Variants in PCDHGA3 observed in about 807,000 individuals in gnomAD.
The protein encoded by PCDHGA3 is protocadherin gamma subfamily A, 3, also known as protocadherin gamma-A3.
PCDHGA3 carries 40 observed loss-of-function variants against 58.5 expected under a neutral mutation model. The observed-to-expected ratio is 0.68, with a 90% confidence interval of 0.53 to 0.89. The LOEUF (loss-of-function observed/expected upper bound fraction) is 0.89, where lower values mean the gene tolerates loss of function less well. PCDHGA3 is among the 40% of genes least tolerant of loss of function. The probability of loss-of-function intolerance (pLI) is 0.00; values close to 1 mark genes in which losing one functional copy is unlikely to be tolerated. For synonymous variants in PCDHGA3, 530 were observed against 525.7 expected (o/e 1.01, Z -0.11); for missense variants, 1,223 against 1,195.9 (o/e 1.02, Z -0.33).
intron 1 of PCDHGA3, chr5:141,413,440 A>G (rs4912751): frequency 0.46 from 738,760 of 1,613,878 alleles, 177,316 homozygotes; most frequent in African/African-American, 0.83. Flanking sequence ...CGGCAGCTTG[A>G]TCACCGCGGG....
intron 1 of PCDHGA3, chr5:141,383,004 G>C: frequency 6.2e-7 from 1 of 1,613,698 alleles, no homozygotes; most frequent in Non-Finnish European, 8.5e-7. Flanking sequence ...TCTACTCCGT[G>C]TCGGAGGAGA....
Position 141,431,046 on chromosome 5 carries a change from G to A in PCDHGA3, c.2425-63761G>A, listed in dbSNP as rs1324139757. 7 of 1,614,240 alleles carry A rather than the reference G, an allele frequency of 4.3e-6. 1 individual carries two copies. The Admixed American group carries it at 1.0e-4, about 23-fold the overall frequency. ...GGCAGGATAGACCGGGAGGAGCTCTGTATGGGGGCCATCAAGTGTCAATTA... is the reference window on the plus strand; with the variant it reads ...GGCAGGATAGACCGGGAGGAGCTCTATATGGGGGCCATCAAGTGTCAATTA... On this transcript the variant is annotated intron_variant, in intron 1 of 3. Transcript: ENST00000253812. The surrounding 1 kb of genome is among the most constrained non-coding windows in gnomAD (Gnocchi z 4.8).
intron 1 of PCDHGA3, among the ~76,000 whole-genome samples, chr5:141,373,240 T>C (rs1021689504): frequency 2.6e-5 from 4 of 152,230 alleles, no homozygotes; most frequent in African/African-American, 9.6e-5. Context: ...TATTTTTACT[T>C]CCCTTTGCAT....
In PCDHGA3 at chr5:141,409,582, C is replaced by A. The variant is rs2095287974; in HGVS notation, c.2424+63125C>A. On this transcript the variant is annotated intron_variant, in intron 1 of 3. Coordinates refer to ENST00000253812, the MANE Select transcript of PCDHGA3 (RefSeq NM_018916.4). ...TCGACCAGACGTCCTACGTGGTCCA[C>A]GTGGCCGAGAACAACCCGCCAGGAG... 2.5e-6 allele frequency: 4 copies of A among 1,613,914 alleles called. No homozygotes were observed. The Middle Eastern group carries it at 4.9e-4, about 200-fold the overall frequency.
intron 1 of PCDHGA3, chr5:141,441,868 C>A: frequency 3.0e-6 from 1 of 338,212 alleles, no homozygotes; most frequent in Non-Finnish European, 5.8e-6. Flanking sequence ...CGCCGCGGAG[C>A]CTGGCTACCT....
chr5:141,384,248 C>T (rs1443335110), intron 1 of PCDHGA3: 2 of 1,613,866 alleles, frequency 1.2e-6, no homozygotes, highest in South Asian at 2.2e-5. Flanking sequence ...GATAACCCAC[C>T]CACCTTCCCC....
At chr5:141,438,621 T>C (rs1164140266) in intron 1 of PCDHGA3, among the ~76,000 whole-genome samples, 4 of 41,368 alleles carry the variant, frequency 9.7e-5, no homozygotes, top group Admixed American at 3.5e-4. Flanking sequence ...TATATATATA[T>C]ATATATATAT....
rs1229102140 is a variant in PCDHGA3, at chr5:141,351,416, G to T, written c.2424+4959G>T. On this transcript the variant is annotated intron_variant, in intron 1 of 3. Coordinates refer to ENST00000253812, the MANE Select transcript of PCDHGA3 (RefSeq NM_018916.4). ...GGTGACATGCTATACTCAGGAAGAA[G>T]TTCCTTTCAAATTAGAATCCACCTC... is the stretch of plus-strand genomic sequence containing the variant. The T allele has an allele frequency of 1.9e-6, 3 of 1,611,528 alleles. No individual in the cohort carries two copies. In the Admixed American group the frequency reaches 5.0e-5, roughly 27 times the overall value.
At chr5:141,480,715 G>A (rs906358826) in intron 1 of PCDHGA3, among the ~76,000 whole-genome samples, 1 of 152,124 alleles carries the variant, frequency 6.6e-6, no homozygotes, top group African/African-American at 2.4e-5. Flanking sequence ...ACAAATGAAA[G>A]CACAGTCTCT....
chr5:141,500,188 A>T (rs182086759), intron 2 of PCDHGA3, among the ~76,000 whole-genome samples: 173 of 98,190 alleles, frequency 1.8e-3, no homozygotes, highest in African/African-American at 4.0e-3. Flanking sequence ...TTTTATTTTT[A>T]TTTATTTATT....
Position 141,489,569 on chromosome 5 carries a change from C to T in PCDHGA3, c.2425-5238C>T. On this transcript the variant is annotated intron_variant, in intron 1 of 3. Coordinates refer to ENST00000253812, the MANE Select transcript of PCDHGA3 (RefSeq NM_018916.4). This position sits in a 1 kb window ranked among gnomAD's most constrained non-coding sequence, Gnocchi z 4.5. ...TGCCTGCTGCCAGTGCAGGTGGTGACTGAACACCCCCTGGAGCTAATCCGT... is the reference window on the plus strand; with the variant it reads ...TGCCTGCTGCCAGTGCAGGTGGTGATTGAACACCCCCTGGAGCTAATCCGT... 6.2e-7 allele frequency: 1 copy of T among 1,614,024 alleles called. No homozygotes were observed. The highest frequency in any genetic ancestry group is 2.2e-5 in the East Asian group (1 of 44,870).
intron 1 of PCDHGA3, among the ~76,000 whole-genome samples, chr5:141,434,451 A>C (rs145324240): frequency 6.6e-6 from 1 of 152,210 alleles, no homozygotes; most frequent in Non-Finnish European, 1.5e-5. Context: ...GCTGGAAGGT[A>C]GTGGGTTTAC....
rs750164473 is a variant in PCDHGA3 at position 141,432,286 on chromosome 5, C to G, written c.2425-62521C>G. Reference sequence around the variant, plus strand: ...TATCGTCCTACGTGTCCATCAACTCCGACACTGGGGTACTGTATGCGCTGA... The same window carrying G: ...TATCGTCCTACGTGTCCATCAACTCGGACACTGGGGTACTGTATGCGCTGA... On this transcript the variant is annotated intron_variant, in intron 1 of 3. Transcript: ENST00000253812. This position sits in a 1 kb window ranked among gnomAD's most constrained non-coding sequence, Gnocchi z 6.0. The G allele has an allele frequency of 6.2e-7, 1 of 1,614,252 alleles. No homozygotes were observed. The highest frequency in any genetic ancestry group is 1.3e-5 in the African/African-American group (1 of 75,070).
intron 1 of PCDHGA3, chr5:141,389,105 T>C (rs1394118929): frequency 1.9e-6 from 3 of 1,614,018 alleles, no homozygotes; most frequent in East Asian, 2.2e-5. Context: ...CAGATGCTGT[T>C]CTAGACCGCG....
At chr5:141,368,970 C>T (rs551619328) in intron 1 of PCDHGA3, among the ~76,000 whole-genome samples, 1 of 152,290 alleles carries the variant, frequency 6.6e-6, no homozygotes, top group South Asian at 2.1e-4. Context: ...TGCTATAATG[C>T]TTTTCCACTA....
intron 1 of PCDHGA3, chr5:141,357,433 G>A (rs747311538): frequency 1.9e-6 from 3 of 1,614,090 alleles, no homozygotes; most frequent in Non-Finnish European, 2.5e-6. Flanking sequence ...GGGCGTGGAC[G>A]GGGTTCGGGC....
In PCDHGA3 at chr5:141,361,360, G is replaced by C. The variant is rs772255956; in HGVS notation, c.2424+14903G>C. On this transcript the variant is annotated intron_variant, in intron 1 of 3. Transcript: ENST00000253812. ...CTATTACAAACTAGTGACAGACGGC[G>C]CTCTGGACCGGGAGGAGATCCCAGA... is the stretch of plus-strand genomic sequence containing the variant. 1.2e-5 allele frequency: 20 copies of C among 1,613,944 alleles called. No homozygotes were observed. The highest frequency in any genetic ancestry group is 1.7e-5 in the Non-Finnish European group (20 of 1,179,886).
At chr5:141,351,537 C>T (rs772418537) in intron 1 of PCDHGA3, 9 of 1,614,020 alleles carry the variant, frequency 5.6e-6, no homozygotes, top group Middle Eastern at 1.6e-4. Flanking sequence ...AAGGGCAAAC[C>T]AGCCCTTTCC....
chr5:141,447,516 A>G (rs997127013), intron 1 of PCDHGA3, among the ~76,000 whole-genome samples: 1 of 152,220 alleles, frequency 6.6e-6, no homozygotes, highest in African/African-American at 2.4e-5. Flanking sequence ...ATGCATAACA[A>G]TCATAACAAA....
Sources: gnomAD v4.1 joint callset for allele counts (sites outside exome capture counted in the v4.1 genomes callset) on GRCh38, gnomAD v4.1.1 for gene constraint, Gnocchi (gnomAD v3.1) non-coding constraint, MANE v1.5 for transcripts, NCBI Gene and HGNC (gene_info 2026-07-23, HGNC 2026-07-21) for gene names.